Variants in MORC1 observed in about 807,000 individuals in gnomAD.
MORC1 encodes MORC family CW-type zinc finger protein 1.
In MORC1, 59 loss-of-function variants were observed where a neutral mutation model predicts 134.9. The ratio of observed to expected loss-of-function variants is 0.44; its 90% CI spans 0.35 to 0.54. MORC1 has a LOEUF of 0.54. MORC1 is among the 20% of genes least tolerant of loss of function. The pLI, the probability that MORC1 is intolerant of heterozygous loss-of-function variation, is 0.00. For synonymous variants in MORC1, 395 were observed against 391.7 expected (o/e 1.01, Z -0.10); for missense variants, 947 against 1,134.5 (o/e 0.83, Z 2.37).
chr3:109,075,671 T>C (rs953098938), intron 8 of MORC1, among the ~76,000 whole-genome samples: 1 of 152,204 alleles, frequency 6.6e-6, no homozygotes, highest in African/African-American at 2.4e-5. Flanking sequence ...TCTGTTTTGG[T>C]ACCAGTACCA....
chr3:109,105,351 T>C (rs1186545233), intron 3 of MORC1, among the ~76,000 whole-genome samples: 1 of 152,142 alleles, frequency 6.6e-6, no homozygotes, highest in Non-Finnish European at 1.5e-5. Flanking sequence ...GGTGAAACCC[T>C]GTCTCTACTA....
intron 17 of MORC1, among the ~76,000 whole-genome samples, chr3:109,009,751 T>G (rs969981462): frequency 2.0e-5 from 3 of 152,174 alleles, no homozygotes. Flanking sequence ...GTAATTTTAT[T>G]ATAATATATG....
intron 8 of MORC1, among the ~76,000 whole-genome samples, chr3:109,080,385 A>G (rs986714952): frequency 2.6e-5 from 4 of 152,134 alleles, no homozygotes; most frequent in African/African-American, 9.7e-5. Flanking sequence ...ACTTGCCCCC[A>G]TGATTCAATT....
intron 17 of MORC1, among the ~76,000 whole-genome samples, chr3:109,014,263 A>T (rs962822842): frequency 4.6e-5 from 7 of 152,224 alleles, no homozygotes; most frequent in Non-Finnish European, 8.8e-5. Flanking sequence ...TTACATGTTG[A>T]CATGTGGATC....
intron 21 of MORC1, among the ~76,000 whole-genome samples, chr3:108,996,286 G>GCGCGCGCGCACA: frequency 4.8e-5 from 7 of 146,470 alleles, no homozygotes; most frequent in Non-Finnish European, 1.1e-4. Flanking sequence ...GCGCGCGCGC[G>GCGCGCGCGCACA]CACACACACA....
chr3:109,060,224 T>C (rs1353344208), intron 11 of MORC1, among the ~76,000 whole-genome samples: 2 of 149,932 alleles, frequency 1.3e-5, no homozygotes, highest in African/African-American at 4.9e-5. Flanking sequence ...GTGAGAACAA[T>C]AAATGCTCAA....
chr3:109,040,194 C>T (rs1019635308), intron 14 of MORC1, among the ~76,000 whole-genome samples: 19 of 151,066 alleles, frequency 1.3e-4, no homozygotes, highest in African/African-American at 3.7e-4. Flanking sequence ...GTCCAGTTTT[C>T]GGCAAAAAAA....
At chr3:108,970,988 A>G (rs1309838002) in intron 25 of MORC1, among the ~76,000 whole-genome samples, 1 of 152,120 alleles carries the variant, frequency 6.6e-6, no homozygotes, top group African/African-American at 2.4e-5. Flanking sequence ...TGCCTGACCT[A>G]CCCAATCCTC....
intron 17 of MORC1, chr3:109,018,901 A>G (rs1161170754): frequency 1.3e-5 from 2 of 152,124 alleles, no homozygotes; most frequent in African/African-American, 4.8e-5. Flanking sequence ...ACTTGTTAAA[A>G]CAGGAACTCC....
At chr3:109,000,467 G>A in intron 21 of MORC1, 90 bp downstream of exon 21, 1 of 981,520 alleles carries the variant, frequency 1.0e-6, no homozygotes, top group East Asian at 2.6e-5. Flanking sequence ...CCAACTAAAT[G>A]TTTCCACTAC....
chr3:109,022,646 T>C (rs913322279), intron 17 of MORC1, among the ~76,000 whole-genome samples: 10 of 152,242 alleles, frequency 6.6e-5, no homozygotes, highest in Admixed American at 2.0e-4. Context: ...TGACCAGGTA[T>C]AAGAACATTT....
In MORC1 at chr3:109,054,854, T is replaced by C. The variant is rs1269439321; in HGVS notation, c.1204A>G (p.Asn402Asp). The change falls in exon 14 of 28, where the codon AAT (asparagine) becomes GAT (aspartate). Residue 402 changes from asparagine to aspartate, a missense_variant. Physicochemically the swap from Asn to Asp is conservative, Grantham distance 23. Coordinates refer to ENST00000232603, the MANE Select transcript of MORC1 (RefSeq NM_014429.4). Reference protein sequence around the residue: ...LLGAGVVGIVNIPLEVMEPSH... With the variant: ...LLGAGVVGIVDIPLEVMEPSH... ...GGTTCCATGACCTCCAAGGGTATAT[T>C]AACAATTCCAACCACGCCTGCGCCA... The C allele has an allele frequency of 6.2e-7, 1 of 1,604,136 alleles. No homozygotes were observed. The highest frequency in any genetic ancestry group is 8.5e-7 in the Non-Finnish European group (1 of 1,177,816).
In MORC1 at chr3:109,104,594, G is replaced by C. The variant is rs918974963; in HGVS notation, c.155-677C>G. Among the ~76,000 whole-genome samples the C allele has an allele frequency of 2.6e-5, 4 of 152,264 alleles. 1 individual carries two copies. The Middle Eastern group carries it at 0.01, about 388-fold the overall frequency. On this transcript the variant is annotated intron_variant, in intron 3 of 27. Transcript: ENST00000232603. The stretch of plus-strand genomic sequence containing the variant: ...TAATCGCAGAACTTTGGGAGGCTAA[G>C]GCAAGAGGATCACTTGAGGCCAGGG...
At chr3:109,027,997 C>A in intron 16 of MORC1, 108 bp from the exon 17 acceptor site, 3 of 1,198,344 alleles carry the variant, frequency 2.5e-6, no homozygotes, top group Admixed American at 2.9e-5. Context: ...TGTCATATAT[C>A]CAAAATTCAA....
intron 17 of MORC1, among the ~76,000 whole-genome samples, chr3:109,016,307 T>C (rs947610965): frequency 6.6e-6 from 1 of 152,196 alleles, no homozygotes. Context: ...TGTCCCTAAC[T>C]AGCTTCTGTA....
intron 14 of MORC1, among the ~76,000 whole-genome samples, chr3:109,046,011 T>C (rs1949686231): frequency 6.6e-6 from 1 of 152,122 alleles, no homozygotes; most frequent in Non-Finnish European, 1.5e-5. Context: ...CCTAAGAAAA[T>C]ATATGATGAC....
At chr3:109,029,902 T>C (rs1037165956) in intron 16 of MORC1, among the ~76,000 whole-genome samples, 19 of 152,202 alleles carry the variant, frequency 1.2e-4, no homozygotes, top group Admixed American at 1.2e-3. Context: ...GTTTCAGCTG[T>C]AGTGAAGAAT....
At chr3:109,002,202 G>C (rs1948421068) in intron 20 of MORC1, among the ~76,000 whole-genome samples, 1 of 152,216 alleles carries the variant, frequency 6.6e-6, no homozygotes, top group Non-Finnish European at 1.5e-5. Flanking sequence ...AGTTCCAGAG[G>C]AGGAGTCTCA....
intron 3 of MORC1, among the ~76,000 whole-genome samples, chr3:109,104,499 T>C (rs1250242145): frequency 2.0e-5 from 3 of 152,164 alleles, no homozygotes; most frequent in African/African-American, 7.2e-5. Flanking sequence ...AAGATATCAT[T>C]AAATTACATA....
Sources: gnomAD v4.1 joint callset for allele counts (sites outside exome capture counted in the v4.1 genomes callset) on GRCh38, gnomAD v4.1.1 for gene constraint, MANE v1.5 for transcripts, NCBI Gene and HGNC (gene_info 2026-07-23, HGNC 2026-07-21) for gene names.